The following HDGFL2 variants were observed in gnomAD, a reference collection of about 807,000 sequenced individuals.
The protein encoded by HDGFL2 is HDGF like 2.
In HDGFL2, 36 loss-of-function variants were observed where a neutral mutation model predicts 77.1. The observed-to-expected ratio is 0.47, with a 90% confidence interval of 0.36 to 0.62. The LOEUF is 0.62. HDGFL2 is among the 20% of genes least tolerant of loss of function. The pLI, the probability that HDGFL2 is intolerant of heterozygous loss-of-function variation, is 0.00. For missense variants in HDGFL2, 976 were observed against 973.4 expected (o/e 1.00, Z -0.04); for synonymous variants, 463 against 413.1 (o/e 1.12, Z -1.46).
chr19:4,477,099 T>G (rs373425713), intron 3 of HDGFL2, among the ~76,000 whole-genome samples: 23 of 152,196 alleles, frequency 1.5e-4, no homozygotes, highest in African/African-American at 3.9e-4. Context: ...CCTGGTCCTG[T>G]TTGAGAACCT....
intron 6 of HDGFL2, among the ~76,000 whole-genome samples, chr19:4,492,706 C>CTGTGTGTGGTGTGTGGTGTGTGTGGTG (rs1568212735): frequency 7.6e-6 from 1 of 131,172 alleles, no homozygotes; most frequent in Admixed American, 7.6e-5. Context: ...TATGTGTTGT[C>CTGTGTGTGGTGTGTGGTGTGTGTGGTG]TGTGTGTGGT....
chr19:4,501,231 G>T lies in HDGFL2; in HGVS notation c.1830G>T (p.Lys610Asn). 1 of 1,613,722 alleles carries T rather than the reference G, an allele frequency of 6.2e-7. No homozygotes were observed. The highest frequency in any genetic ancestry group is 8.5e-7 in the Non-Finnish European group (1 of 1,179,974). The change falls in exon 15 of 16, where the codon AAG (lysine) becomes AAT (asparagine). Residue 610 changes from lysine (K) to asparagine (N), a missense_variant. Around this residue, in one of 5 missense-constraint regions of HDGFL2, gnomAD observed 229 missense variants for 187.3 expected, o/e 1.22. Transcript: ENST00000616600. ...APVNGEATSQKGESAEDKEHE... is the reference protein window; with the variant it reads ...APVNGEATSQNGESAEDKEHE... Reference sequence around the variant, plus strand: ...TGAATGGCGAGGCCACATCACAGAAGGGGGAGAGCGCAGAGGACAAGGAGC... The same window carrying T: ...TGAATGGCGAGGCCACATCACAGAATGGGGAGAGCGCAGAGGACAAGGAGC...
chr19:4,501,230 A>T lies in HDGFL2; in HGVS notation c.1829A>T (p.Lys610Met). The change falls in exon 15 of 16, where the codon AAG (lysine) becomes ATG (methionine). Residue 610 changes from lysine (K) to methionine (M), a missense_variant. Lys to Met is a moderately conservative substitution (Grantham distance 95, BLOSUM62 -1). Around this residue, in one of 5 missense-constraint regions of HDGFL2, gnomAD observed 229 missense variants for 187.3 expected, o/e 1.22. Coordinates refer to ENST00000616600, the MANE Select transcript of HDGFL2 (RefSeq NM_001001520.3). ...APVNGEATSQ[K>M]GESAEDKEHE... ...GTGAATGGCGAGGCCACATCACAGA[A>T]GGGGGAGAGCGCAGAGGACAAGGAG... The T allele has an allele frequency of 6.2e-7, 1 of 1,613,680 alleles. No individual in the cohort carries two copies.
intron 9 of HDGFL2, among the ~76,000 whole-genome samples, chr19:4,494,795 G>A (rs1207223072): frequency 6.6e-6 from 1 of 152,142 alleles, no homozygotes; most frequent in Non-Finnish European, 1.5e-5. Context: ...GTGTGCGCCT[G>A]TATAGTCCCG....
At chr19:4,495,883 C>G (rs1216466688) in intron 9 of HDGFL2, among the ~76,000 whole-genome samples, 1 of 152,154 alleles carries the variant, frequency 6.6e-6, no homozygotes, top group Non-Finnish European at 1.5e-5. Context: ...TGGCCTGAAT[C>G]CAGAGTCTCA....
rs184698009 is a variant in HDGFL2, at chr19:4,498,784, C to T, written c.1474-30C>T. On this transcript the variant is annotated intron_variant, in intron 12 of 15. Transcript: ENST00000616600. ...ACCCCTGGGGATCCCTTGGCCAGGC[C>T]GTCTCCCTCACTCCCACCCCACCCT... 391 of 1,504,810 alleles carry T rather than the reference C, an allele frequency of 2.6e-4. 4 individuals are homozygous for T. The East Asian group carries it at 5.1e-3, about 20-fold the overall frequency. The allele number at this position is 1,504,810 out of a possible 1,614,324, so 93.2% of individuals were successfully genotyped here.
chr19:4,499,421 G>T, intron 13 of HDGFL2, 70 bp from the exon 14 acceptor site: 2 of 1,434,228 alleles, frequency 1.4e-6, no homozygotes. Flanking sequence ...CATTGCTGGG[G>T]CGAGGGGTTC....
intron 3 of HDGFL2, among the ~76,000 whole-genome samples, chr19:4,476,482 T>C (rs1252413847): frequency 6.6e-6 from 1 of 151,930 alleles, no homozygotes. Flanking sequence ...GGTGAGCCAC[T>C]GCGCTTGGCC....
At chr19:4,491,523 C>G (rs1975512018) in intron 4 of HDGFL2, 43 bp from the exon 5 acceptor site, 3 of 1,568,682 alleles carry the variant, frequency 1.9e-6, no homozygotes, top group Non-Finnish European at 1.8e-6. Context: ...TGCCAGGAGC[C>G]CGGCCTTCCC....
At chr19:4,499,936 G>C (rs1174261704) in intron 14 of HDGFL2, among the ~76,000 whole-genome samples, 1 of 152,202 alleles carries the variant, frequency 6.6e-6, no homozygotes, top group Non-Finnish European at 1.5e-5. Flanking sequence ...GTAACTTGGG[G>C]CTCACGCCAG....
At chr19:4,476,807 C>A (rs1975084606) in intron 3 of HDGFL2, among the ~76,000 whole-genome samples, 1 of 151,760 alleles carries the variant, frequency 6.6e-6, no homozygotes, top group Non-Finnish European at 1.5e-5. Context: ...TCTGAGTATT[C>A]TGGGGTGAGG....
At chr19:4,478,973 G>T (rs926057475) in intron 3 of HDGFL2, among the ~76,000 whole-genome samples, 1 of 151,246 alleles carries the variant, frequency 6.6e-6, no homozygotes, top group African/African-American at 2.4e-5. Context: ...GTGAGCCACC[G>T]CGCCCAACAG....
In HDGFL2 at chr19:4,488,762, C is replaced by T; in HGVS notation, c.375C>T (p.Val125=). The T allele has an allele frequency of 1.9e-6, 3 of 1,552,796 alleles. No homozygotes were observed. The highest frequency in any genetic ancestry group is 2.6e-6 in the Non-Finnish European group (3 of 1,147,714). The change falls in exon 4 of 16, where the codon GTC becomes GTT. Residue 125 remains valine, a synonymous_variant. Coordinates refer to ENST00000616600, the MANE Select transcript of HDGFL2 (RefSeq NM_001001520.3). The part of the protein sequence containing the change: ...DADEDDEDRG[V]MAVTAVTATA... ...ACGAGGACGATGAGGACCGGGGGGT[C>T]ATGGCCGTCACAGCGGTAACCGCCA...
chr19:4,479,613 C>T (rs1271120733), intron 3 of HDGFL2, among the ~76,000 whole-genome samples: 1 of 147,138 alleles, frequency 6.8e-6, no homozygotes, highest in Non-Finnish European at 1.5e-5. Flanking sequence ...GAAACCCCGC[C>T]TCTACCCAAA....
intron 15 of HDGFL2, 21 bp from the exon 16 acceptor site, chr19:4,501,890 C>G (rs140900328): frequency 4.9e-6 from 7 of 1,426,438 alleles, no homozygotes; most frequent in African/African-American, 4.4e-5. Context: ...ATCCTCACAC[C>G]GCCTTTGCTG....
At chr19:4,489,680 G>GCGTT (rs1365676628) in intron 4 of HDGFL2, among the ~76,000 whole-genome samples, 1 of 152,142 alleles carries the variant, frequency 6.6e-6, no homozygotes, top group Non-Finnish European at 1.5e-5. Context: ...GGGATTACAG[G>GCGTT]CGTTAGCCAT....
At chr19:4,499,038 G>C (rs559751914) in intron 13 of HDGFL2, 123 bp downstream of exon 13, 1 of 663,032 alleles carries the variant, frequency 1.5e-6, no homozygotes, top group South Asian at 1.6e-5. Context: ...AGGAGGCCGT[G>C]GGCTGCTGGG....
At chr19:4,478,197 G>GTTTTTT (rs113038095) in intron 3 of HDGFL2, among the ~76,000 whole-genome samples, 3 of 140,480 alleles carry the variant, frequency 2.1e-5, no homozygotes, top group Non-Finnish European at 4.6e-5. Context: ...GGATGCTGCT[G>GTTTTTT]TTTTTTTTTT....
Position 4,493,972 on chromosome 19 carries a change from CT to C in HDGFL2, c.839-8del. On this transcript the variant is annotated splice_polypyrimidine_tract_variant and intron_variant, in intron 7 of 15. Transcript: ENST00000616600. ...GAAGGGAAGGTCACCCCCTCCTCCT[CT>C]TCCTGTAGCGGAGAAGCCTCTCCCG... 6.2e-7 allele frequency: 1 copy of C among 1,605,908 alleles called. No individual in the cohort carries two copies. Among genetic ancestry groups the C allele is most frequent in the Non-Finnish European group, 8.5e-7 (1 of 1,176,662 alleles).
Sources: gnomAD v4.1 joint callset for allele counts (sites outside exome capture counted in the v4.1 genomes callset) on GRCh38, gnomAD v4.1.1 for gene constraint, gnomAD v4.1.1 regional missense constraint, MANE v1.5 for transcripts, NCBI Gene and HGNC (gene_info 2026-07-23, HGNC 2026-07-21) for gene names.